The following RGS12 variants were observed in gnomAD, a reference collection of about 807,000 sequenced individuals.
RGS12 encodes regulator of G-protein signaling 12.
Under a neutral mutation model 120.1 loss-of-function variants are expected in RGS12, and 66 were observed. That is an observed-to-expected ratio of 0.55 (90% confidence interval 0.45 to 0.67). The LOEUF is 0.67. Ranked by LOEUF, RGS12 falls within the 30% of genes least tolerant of loss-of-function variation. The pLI is 0.00. For missense variants in RGS12, 1,859 were observed against 1,957.7 expected, an observed-to-expected ratio of 0.95 and a Z score of 0.95; for synonymous variants, 827 against 804.7, an observed-to-expected ratio of 1.03 and a Z score of -0.47.
At chr4:3,408,941 G>A (rs1485162138) in intron 4 of RGS12, among the ~76,000 whole-genome samples, 1 of 152,268 alleles carries the variant, frequency 6.6e-6, no homozygotes, top group African/African-American at 2.4e-5. Flanking sequence ...ACCCCCAGCA[G>A]TGCTGGGAGC....
At chr4:3,428,284 C>G (rs762904325) in intron 15 of RGS12, 115 bp downstream of exon 15, 1 of 1,015,706 alleles carries the variant, frequency 9.8e-7, no homozygotes. Flanking sequence ...GTGTCTCCCC[C>G]ACGCTCCTTG....
intron 4 of RGS12, among the ~76,000 whole-genome samples, chr4:3,394,368 G>T (rs912077307): frequency 2.6e-5 from 4 of 152,088 alleles, no homozygotes; most frequent in Admixed American, 1.3e-4. Flanking sequence ...TCACCATGTT[G>T]CCCAGGCTGG....
intron 3 of RGS12, among the ~76,000 whole-genome samples, chr4:3,370,578 C>T (rs1030867069): frequency 2.0e-5 from 3 of 152,266 alleles, no homozygotes; most frequent in Non-Finnish European, 2.9e-5. Flanking sequence ...CCCAAGCTGC[C>T]AGGTTTTAAG....
chr4:3,432,132 G>T (rs921160135), intron 17 of RGS12: 1 of 985,470 alleles, frequency 1.0e-6, no homozygotes, highest in East Asian at 1.1e-4. Flanking sequence ...CCTGCGTTTT[G>T]AGTCTGTTCT....
intron 4 of RGS12, among the ~76,000 whole-genome samples, chr4:3,410,238 A>AC (rs1355651498): frequency 6.6e-6 from 1 of 152,204 alleles, no homozygotes; most frequent in Non-Finnish European, 1.5e-5. Context: ...AATAGCTGGG[A>AC]CCACAGGTGC....
chr4:3,363,106 T>A (rs1336587029), intron 3 of RGS12, among the ~76,000 whole-genome samples: 1 of 149,754 alleles, frequency 6.7e-6, no homozygotes, highest in Admixed American at 6.6e-5. Flanking sequence ...TATGTGAGTG[T>A]GTGTGTGAGA....
chr4:3,382,269 T>G (rs540205094), intron 3 of RGS12, among the ~76,000 whole-genome samples: 34 of 152,364 alleles, frequency 2.2e-4, no homozygotes, highest in African/African-American at 7.9e-4. Flanking sequence ...ATGTCCCTTT[T>G]TGAAATGAAG....
At chr4:3,288,302 C>T (rs1481766847), upstream of RGS12, among the ~76,000 whole-genome samples, 1 of 152,076 alleles carries the variant, frequency 6.6e-6, no homozygotes, top group Non-Finnish European at 1.5e-5. This position sits in a 1 kb window ranked among gnomAD's most constrained non-coding sequence, Gnocchi z 5.2. Context: ...AGGGGGGCAG[C>T]TGACAAGGGG....
intron 3 of RGS12, among the ~76,000 whole-genome samples, chr4:3,360,360 T>C (rs2108838749): frequency 6.6e-6 from 1 of 152,244 alleles, no homozygotes; most frequent in East Asian, 1.9e-4. Context: ...TTCTATTTCA[T>C]TGATCTCTGC....
At chr4:3,321,707 G>C (rs1002068992) in intron 2 of RGS12, among the ~76,000 whole-genome samples, 7 of 152,194 alleles carry the variant, frequency 4.6e-5, no homozygotes, top group African/African-American at 1.2e-4. Flanking sequence ...AGCCACGTCA[G>C]CTCCTCCCCC....
chr4:3,286,892 C>T, the RGS12 span, among the ~76,000 whole-genome samples: 193 of 152,322 alleles, frequency 1.3e-3, no homozygotes, highest in Admixed American at 2.5e-3. Flanking sequence ...CGGGAGCCGA[C>T]GCTGCTCCGG....
chr4:3,325,046 A>G (rs1008366549), intron 2 of RGS12, among the ~76,000 whole-genome samples: 1 of 152,162 alleles, frequency 6.6e-6, no homozygotes, highest in Non-Finnish European at 1.5e-5. Flanking sequence ...AATATTTTAA[A>G]CTAGTTATAA....
chr4:3,293,567 G>C lies in RGS12; in HGVS notation c.-102+468G>C, dbSNP rs116824562. On this transcript the variant is annotated intron_variant, in intron 1 of 17. Transcript: ENST00000336727. ...GCCTTCCGAGACCCGAACTCCAGAC[G>C]CACTGCAGCGACCTGGGGTCGCCTC... is the stretch of plus-strand genomic sequence containing the variant. 9.9e-3 allele frequency among the ~76,000 whole-genome samples: 1,511 copies of C among 152,282 alleles called. 22 individuals are homozygous for C. Among genetic ancestry groups the C allele is most frequent in the Middle Eastern group, 0.034 (10 of 294 alleles).
chr4:3,346,216 A>G (rs1713777898), intron 3 of RGS12, among the ~76,000 whole-genome samples: 1 of 152,194 alleles, frequency 6.6e-6, no homozygotes, highest in African/African-American at 2.4e-5. Flanking sequence ...CAGAGTGAGC[A>G]CCAGTTGTAT....
At chr4:3,371,803 C>G (rs1717025650) in intron 3 of RGS12, among the ~76,000 whole-genome samples, 1 of 152,186 alleles carries the variant, frequency 6.6e-6, no homozygotes, top group South Asian at 2.1e-4. Flanking sequence ...ATGGGAGGGT[C>G]AGGGAATGCT....
rs768959058 is a variant in RGS12, at chr4:3,439,703, A to G, written c.*19A>G. ...CGTCTGAGCTGCCCTGGCCTGGCCA[A>G]CTCTCCTGTGGACATGTCGGGGTGG... On this transcript the variant is annotated 3_prime_UTR_variant, in exon 18 of 18. Coordinates refer to ENST00000336727, the MANE Select transcript of RGS12 (RefSeq NM_001394154.1). 8 of 1,478,882 alleles carry G rather than the reference A, an allele frequency of 5.4e-6. No individual in the cohort carries two copies. The highest frequency in any genetic ancestry group is 1.8e-4 in the Middle Eastern group (1 of 5,564). 91.6% of individuals were successfully genotyped at this position (1,478,882 alleles called of 1,614,324 possible). A position where few individuals can be genotyped will look rare whatever the true frequency, so the allele number is the denominator to read the frequency against.
chr4:3,317,131 G>T lies in RGS12; in HGVS notation c.961G>T (p.Asp321Tyr). The part of the protein sequence containing the change: ...FFGLVTMQTN[D>Y]DGSLAQEEEG... ...CGGGTTGGTTACCATGCAGACGAATGACGACGGGAGCCTGGCCCAGGAGGA... is the reference window on the plus strand; with the variant it reads ...CGGGTTGGTTACCATGCAGACGAATTACGACGGGAGCCTGGCCCAGGAGGA... The change falls in exon 2 of 18, where the codon GAC (aspartate) becomes TAC (tyrosine). Residue 321 changes from aspartate to tyrosine, a missense_variant. Asp to Tyr is a radical substitution (Grantham distance 160, BLOSUM62 -3). This residue lies in a region of RGS12 where 967 missense variants were observed against 994.2 expected (regional missense o/e 0.97). Coordinates refer to ENST00000336727, the MANE Select transcript of RGS12 (RefSeq NM_001394154.1). 3.1e-6 allele frequency: 5 copies of T among 1,613,938 alleles called. No individual in the cohort carries two copies. The highest frequency in any genetic ancestry group is 4.2e-6 in the Non-Finnish European group (5 of 1,180,014).
rs1160234843 is a variant in RGS12 at position 3,390,786 on chromosome 4, G to A, written c.2020+4349G>A. ...TGTTAGCGAACAGGCACTGAGGCCT[G>A]GGGAGCTGTCACAAACGGCTGCCTG... On this transcript the variant is annotated intron_variant, in intron 4 of 17. Coordinates refer to ENST00000336727, the MANE Select transcript of RGS12 (RefSeq NM_001394154.1). This position sits in a 1 kb window ranked among gnomAD's most constrained non-coding sequence, Gnocchi z 4.6. 6.6e-6 allele frequency among the ~76,000 whole-genome samples: 1 copy of A among 152,238 alleles called. No homozygotes were observed. The highest frequency in any genetic ancestry group is 2.4e-5 in the African/African-American group (1 of 41,458).
intron 17 of RGS12, among the ~76,000 whole-genome samples, chr4:3,437,680 G>C (rs969541002): frequency 2.0e-5 from 3 of 152,168 alleles, no homozygotes; most frequent in Non-Finnish European, 4.4e-5. Flanking sequence ...TCTAGTCTCA[G>C]CTGCTCCACA....
Sources: gnomAD v4.1 joint callset for allele counts (sites outside exome capture counted in the v4.1 genomes callset) on GRCh38, gnomAD v4.1.1 for gene constraint, gnomAD v4.1.1 regional missense constraint, Gnocchi (gnomAD v3.1) non-coding constraint, MANE v1.5 for transcripts, NCBI Gene and HGNC (gene_info 2026-07-23, HGNC 2026-07-21) for gene names.